The following SCRN1 variants were observed in gnomAD, a reference collection of about 807,000 sequenced individuals.
SCRN1 encodes the protein secernin-1.
A neutral mutation model predicts 43.3 loss-of-function variants in SCRN1; 19 were observed. The observed-to-expected ratio is 0.44, with a 90% CI of 0.31 to 0.64. The LOEUF (loss-of-function observed/expected upper bound fraction) is 0.64. Among genes scored for constraint, SCRN1 ranks in the 30% least tolerant of loss-of-function variants. SCRN1 has a pLI of 0.09. For missense variants in SCRN1, 447 were observed against 524.1 expected (o/e 0.85, Z 1.44); for synonymous variants, 183 against 188.9 (o/e 0.97, Z 0.26).
rs1172683223 is a variant in SCRN1, at chr7:29,923,867, C to T, written c.*90G>A. 1 of 1,399,214 alleles carries T rather than the reference C, an allele frequency of 7.1e-7. No homozygotes were observed. Among genetic ancestry groups the T allele is most frequent in the East Asian group, 2.3e-5 (1 of 43,322 alleles). 86.7% of individuals were successfully genotyped at this position (1,399,214 alleles called of 1,614,324 possible). A position where few individuals can be genotyped will look rare whatever the true frequency, so the allele number is the denominator to read the frequency against. The stretch of plus-strand genomic sequence containing the variant: ...AAAGGAGGCCACATATTAACTTTCT[C>T]ATTTTACTCAAACAGGAGAGTGGTT... On this transcript the variant is annotated 3_prime_UTR_variant, in exon 8 of 8. Transcript: ENST00000242059.
intron 3 of SCRN1, among the ~76,000 whole-genome samples, chr7:29,948,774 C>G (rs1180148582): frequency 2.0e-5 from 3 of 152,166 alleles, no homozygotes; most frequent in Non-Finnish European, 4.4e-5. Context: ...GCTTGGAGAG[C>G]AGATGGTTAA....
intron 1 of SCRN1, among the ~76,000 whole-genome samples, chr7:29,970,802 TC>T (rs1237856575): frequency 6.6e-6 from 1 of 152,230 alleles, no homozygotes; most frequent in Non-Finnish European, 1.5e-5. Context: ...TTTGTACATA[TC>T]CTTCAGGATC....
intron 4 of SCRN1, among the ~76,000 whole-genome samples, chr7:29,941,905 G>A (rs1197790710): frequency 6.6e-6 from 1 of 152,208 alleles, no homozygotes; most frequent in African/African-American, 2.4e-5. Context: ...AGAATGAAGT[G>A]ACATAAAGAA....
rs369132016 is a variant in SCRN1, at chr7:29,959,055, AAAG to A, written c.160-3698_160-3696del. Among the ~76,000 whole-genome samples the A allele has an allele frequency of 1.3e-3, 192 of 152,352 alleles. 1 individual carries two copies. The highest frequency in any genetic ancestry group is 9.7e-3 in the South Asian group (47 of 4,832). ...TTTTGTGAGATTACGTCGAAAATGA[AAAG>A]AAAGATCAGCTTCATGCCGTCACTT... On this transcript the variant is annotated intron_variant, in intron 2 of 7. Transcript: ENST00000242059.
At chr7:29,928,789 C>T (rs1342516860) in intron 6 of SCRN1, among the ~76,000 whole-genome samples, 1 of 152,176 alleles carries the variant, frequency 6.6e-6, no homozygotes, top group Non-Finnish European at 1.5e-5. Context: ...TAGATGATTG[C>T]TATACCCCTC....
chr7:29,986,743 G>C (rs1260198110), intron 1 of SCRN1, among the ~76,000 whole-genome samples: 3 of 22,306 alleles, frequency 1.3e-4, no homozygotes, highest in Non-Finnish European at 2.8e-4. Context: ...TTTTTTTTTT[G>C]AGACGGAGTC....
At chr7:29,952,160 G>T (rs558606813) in intron 3 of SCRN1, among the ~76,000 whole-genome samples, 1 of 152,224 alleles carries the variant, frequency 6.6e-6, no homozygotes, top group African/African-American at 2.4e-5. Flanking sequence ...GGTTCTCACC[G>T]TAACCGTGCA....
chr7:29,989,982 C>G (rs1011359794), upstream of SCRN1: 1 of 1,412,518 alleles, frequency 7.1e-7, no homozygotes, highest in African/African-American at 1.4e-5. Flanking sequence ...GAGGAGCGGC[C>G]GAGAGGGCGT....
At chr7:29,934,450 C>A (rs969674614) in intron 6 of SCRN1, among the ~76,000 whole-genome samples, 1 of 152,150 alleles carries the variant, frequency 6.6e-6, no homozygotes, top group African/African-American at 2.4e-5. Flanking sequence ...GGGTCCTGTT[C>A]CCTAAAAAGC....
chr7:29,933,160 G>T (rs1276159145), intron 6 of SCRN1, among the ~76,000 whole-genome samples: 1 of 152,132 alleles, frequency 6.6e-6, no homozygotes, highest in Non-Finnish European at 1.5e-5. Flanking sequence ...GATTACAGGC[G>T]TGAGCGGCCG....
At chr7:29,976,097 T>C (rs776586312) in intron 1 of SCRN1, among the ~76,000 whole-genome samples, 2 of 152,198 alleles carry the variant, frequency 1.3e-5, no homozygotes, top group African/African-American at 4.8e-5. Flanking sequence ...AAATATCTGC[T>C]ACTTTTTCTC....
At chr7:29,924,581 A>G (rs1786878991) in intron 7 of SCRN1, among the ~76,000 whole-genome samples, 2 of 151,886 alleles carry the variant, frequency 1.3e-5, no homozygotes, top group Admixed American at 1.3e-4. Flanking sequence ...ACAGTGCCAC[A>G]CCGTTCCCCC....
intron 1 of SCRN1, among the ~76,000 whole-genome samples, chr7:29,982,813 A>G (rs1402766753): frequency 1.3e-5 from 2 of 151,630 alleles, no homozygotes; most frequent in African/African-American, 2.4e-5. Context: ...CCCTGACTCT[A>G]TCTTCTCAAT....
chr7:29,948,733 T>A (rs953103985), intron 3 of SCRN1, among the ~76,000 whole-genome samples: 1 of 152,224 alleles, frequency 6.6e-6, no homozygotes, highest in African/African-American at 2.4e-5. Context: ...ACTGAAAGAA[T>A]GCAGCAATCT....
intron 3 of SCRN1, among the ~76,000 whole-genome samples, chr7:29,944,898 T>C (rs779026271): frequency 1.3e-5 from 2 of 152,046 alleles, no homozygotes; most frequent in Non-Finnish European, 2.9e-5. Context: ...GACTCTAACC[T>C]GGGCAAAAGG....
chr7:29,935,126 C>T (rs904970717), intron 6 of SCRN1, among the ~76,000 whole-genome samples: 4 of 152,178 alleles, frequency 2.6e-5, no homozygotes, highest in African/African-American at 9.7e-5. Context: ...ACACAACAGA[C>T]ACAATATTTG....
At chr7:29,987,314 AT>A (rs1383188760) in intron 1 of SCRN1, among the ~76,000 whole-genome samples, 1 of 152,242 alleles carries the variant, frequency 6.6e-6, no homozygotes, top group Non-Finnish European at 1.5e-5. Context: ...AATGCAAATC[AT>A]AGGAAAAGCC....
chr7:29,975,470 G>T (rs889207200), intron 1 of SCRN1, among the ~76,000 whole-genome samples: 1 of 152,200 alleles, frequency 6.6e-6, no homozygotes, highest in Non-Finnish European at 1.5e-5. Context: ...ACTGTATGTT[G>T]TGGCCTTTTT....
intron 6 of SCRN1, among the ~76,000 whole-genome samples, chr7:29,927,009 A>G (rs1265945156): frequency 6.6e-6 from 1 of 150,730 alleles, no homozygotes; most frequent in African/African-American, 2.4e-5. Flanking sequence ...TTTTTTTAAT[A>G]CCGTGGTCTG....
Sources: allele counts gnomAD v4.1 joint callset (sites outside exome capture counted in the v4.1 genomes callset), GRCh38; gene constraint gnomAD v4.1.1; transcripts MANE v1.5; gene names NCBI Gene and HGNC (gene_info 2026-07-23, HGNC 2026-07-21).